ST6GALNAC5: variants seen among roughly 807,000 people sequenced by gnomAD.
The protein encoded by ST6GALNAC5 is ST6 N-acetylgalactosaminide alpha-2,6-sialyltransferase 5.
Under a neutral mutation model 33.6 loss-of-function variants are expected in ST6GALNAC5, and 27 were observed. The ratio of observed to expected loss-of-function variants is 0.80; its 90% confidence interval spans 0.59 to 1.11. The LOEUF (loss-of-function observed/expected upper bound fraction) is 1.11. ST6GALNAC5 is among the 50% of genes least tolerant of loss of function. The pLI, the probability that ST6GALNAC5 is intolerant of heterozygous loss-of-function variation, is 0.00. For missense variants in ST6GALNAC5, 428 were observed against 454.0 expected (o/e 0.94, Z 0.52); for synonymous variants, 194 against 171.2 (o/e 1.13, Z -1.04).
intron 2 of ST6GALNAC5, among the ~76,000 whole-genome samples, chr1:76,908,154 T>C (rs776319264): frequency 6.6e-6 from 1 of 152,132 alleles, no homozygotes; most frequent in Non-Finnish European, 1.5e-5. Flanking sequence ...GTGCTCTCTG[T>C]CTTAGTATTT....
intron 2 of ST6GALNAC5, among the ~76,000 whole-genome samples, chr1:77,033,733 A>G (rs540163875): frequency 8.0e-4 from 122 of 152,262 alleles, no homozygotes; most frequent in Admixed American, 1.3e-3. Context: ...AAGGCTGGAG[A>G]CCAGAGAAGG....
chr1:76,964,194 G>T (rs935814050), intron 2 of ST6GALNAC5, among the ~76,000 whole-genome samples: 2 of 152,066 alleles, frequency 1.3e-5, no homozygotes, highest in African/African-American at 4.8e-5. Context: ...GTGGTAATTT[G>T]TAACAGCAGC....
At chr1:76,996,410 T>C (rs948698972) in intron 2 of ST6GALNAC5, among the ~76,000 whole-genome samples, 63 of 152,058 alleles carry the variant, frequency 4.1e-4, no homozygotes, top group Non-Finnish European at 5.1e-4. Flanking sequence ...ATGTATTTCT[T>C]GCCATCAAAA....
intron 2 of ST6GALNAC5, among the ~76,000 whole-genome samples, chr1:76,966,296 TCTC>T (rs763157376): frequency 5.9e-5 from 9 of 152,202 alleles, no homozygotes; most frequent in Non-Finnish European, 1.2e-4. Context: ...GGTTTGTAGT[TCTC>T]CTTGAAGAGG....
At chr1:76,974,031 T>C (rs1319022885) in intron 2 of ST6GALNAC5, among the ~76,000 whole-genome samples, 1 of 152,074 alleles carries the variant, frequency 6.6e-6, no homozygotes, top group African/African-American at 2.4e-5. Context: ...TATTCTAGTA[T>C]ATAAGAATAA....
chr1:76,947,942 G>A lies in ST6GALNAC5; in HGVS notation c.261+79200G>A, dbSNP rs553092713. On this transcript the variant is annotated intron_variant, in intron 2 of 4. Transcript: ENST00000477717. ...CAGAAGTTTCCTGTCCTGCATTCTTGCCTTCTTATCATCCTCAGATGAGAG... is the reference window on the plus strand; with the variant it reads ...CAGAAGTTTCCTGTCCTGCATTCTTACCTTCTTATCATCCTCAGATGAGAG... Among the ~76,000 whole-genome samples, 3 of 152,126 alleles carry A rather than the reference G, an allele frequency of 2.0e-5. No individual in the cohort carries two copies. In the East Asian group the frequency reaches 5.8e-4, roughly 29 times the overall value.
At chr1:76,907,732 T>G (rs891639427) in intron 2 of ST6GALNAC5, among the ~76,000 whole-genome samples, 2 of 152,110 alleles carry the variant, frequency 1.3e-5, no homozygotes, top group Non-Finnish European at 2.9e-5. Flanking sequence ...CTATTAAGCA[T>G]GGAGGGGTCT....
intron 2 of ST6GALNAC5, among the ~76,000 whole-genome samples, chr1:76,925,935 C>T (rs918066547): frequency 1.3e-5 from 2 of 152,164 alleles, no homozygotes; most frequent in African/African-American, 4.8e-5. Flanking sequence ...TTTCAACCCA[C>T]ATGCAGCTCT....
intron 2 of ST6GALNAC5, among the ~76,000 whole-genome samples, chr1:76,990,075 T>C (rs1396493579): frequency 6.6e-6 from 1 of 152,218 alleles, no homozygotes; most frequent in East Asian, 1.9e-4. Context: ...CTGAAGTTTA[T>C]TTAACAACTG....
chr1:76,987,805 T>G lies in ST6GALNAC5; in HGVS notation c.262-56399T>G, dbSNP rs143795295. ...GCTTTTGCCTCACAACTCTTAAGAT[T>G]CTTTCCTTTGTCCTGACTTTAGATA... On this transcript the variant is annotated intron_variant, in intron 2 of 4. Transcript: ENST00000477717. Among the ~76,000 whole-genome samples, 4 of 152,284 alleles carry G rather than the reference T, an allele frequency of 2.6e-5. No individual in the cohort carries two copies. The East Asian group carries it at 7.7e-4, about 29-fold the overall frequency.
intron 2 of ST6GALNAC5, among the ~76,000 whole-genome samples, chr1:76,975,773 A>G (rs1395080068): frequency 6.6e-6 from 1 of 152,198 alleles, no homozygotes; most frequent in Non-Finnish European, 1.5e-5. Context: ...TTATCATAAA[A>G]GTCAAAATAT....
intron 4 of ST6GALNAC5, among the ~76,000 whole-genome samples, chr1:77,058,394 T>C (rs1217787702): frequency 1.3e-5 from 2 of 152,216 alleles, no homozygotes; most frequent in South Asian, 2.1e-4. Flanking sequence ...CCCTCATGAA[T>C]AGATTAGTGC....
chr1:77,028,285 C>T (rs1229584747), intron 2 of ST6GALNAC5, among the ~76,000 whole-genome samples: 1 of 152,126 alleles, frequency 6.6e-6, no homozygotes, highest in African/African-American at 2.4e-5. Flanking sequence ...CCTGAAAAAC[C>T]GAAACAAAAC....
At chr1:76,957,840 G>A (rs1648068230) in intron 2 of ST6GALNAC5, among the ~76,000 whole-genome samples, 1 of 151,902 alleles carries the variant, frequency 6.6e-6, no homozygotes. Flanking sequence ...TATAGCTGAT[G>A]GATTTTTCCC....
At chr1:76,962,149 A>G (rs1402955917) in intron 2 of ST6GALNAC5, among the ~76,000 whole-genome samples, 1 of 152,222 alleles carries the variant, frequency 6.6e-6, no homozygotes, top group African/African-American at 2.4e-5. Flanking sequence ...ACAACTGAAT[A>G]TATACATAGC....
At chr1:76,972,852 G>A (rs1374177242) in intron 2 of ST6GALNAC5, among the ~76,000 whole-genome samples, 2 of 151,920 alleles carry the variant, frequency 1.3e-5, no homozygotes, top group Non-Finnish European at 2.9e-5. Flanking sequence ...TTAGATTTTT[G>A]TCACTTTGAA....
At chr1:76,897,460 G>A (rs1646755505) in intron 2 of ST6GALNAC5, among the ~76,000 whole-genome samples, 1 of 152,164 alleles carries the variant, frequency 6.6e-6, no homozygotes, top group Non-Finnish European at 1.5e-5. Flanking sequence ...CCATGCTGTA[G>A]CAGGTGAGTG....
chr1:77,055,425 A>T (rs1460365689), intron 4 of ST6GALNAC5, among the ~76,000 whole-genome samples: 2 of 152,206 alleles, frequency 1.3e-5, no homozygotes, highest in South Asian at 2.1e-4. Context: ...CACATACTTC[A>T]TGCTGGCTCT....
At chr1:76,991,818 C>A (rs151249844) in intron 2 of ST6GALNAC5, among the ~76,000 whole-genome samples, 1 of 146,302 alleles carries the variant, frequency 6.8e-6, no homozygotes, top group Admixed American at 6.7e-5. Context: ...TCCCAAACAA[C>A]CTTCTAACTC....
Sources: gnomAD v4.1 joint callset for allele counts (sites outside exome capture counted in the v4.1 genomes callset) on GRCh38, gnomAD v4.1.1 for gene constraint, MANE v1.5 for transcripts, NCBI Gene and HGNC (gene_info 2026-07-23, HGNC 2026-07-21) for gene names.